The following SUGCT variants were observed in gnomAD, a reference collection of about 807,000 sequenced individuals.
The protein encoded by SUGCT is succinyl-CoA:glutarate CoA-transferase.
SUGCT carries 41 observed loss-of-function variants against 55.0 expected under a neutral mutation model. The observed-to-expected ratio is 0.74, with a 90% CI of 0.58 to 0.97. The LOEUF (loss-of-function observed/expected upper bound fraction) is 0.97, where lower values mean the gene tolerates loss of function less well. Among genes scored for constraint, SUGCT ranks in the 50% least tolerant of loss-of-function variants. SUGCT has a pLI of 0.00. For missense variants in SUGCT, 568 were observed against 547.8 expected (o/e 1.04, Z -0.37); for synonymous variants, 187 against 200.4 (o/e 0.93, Z 0.56).
At chr7:40,577,085 T>A (rs572830088) in intron 12 of SUGCT, among the ~76,000 whole-genome samples, 6 of 152,338 alleles carry the variant, frequency 3.9e-5, no homozygotes, top group Admixed American at 1.3e-4. Flanking sequence ...TAATAAGACC[T>A]GTATGTCAAG....
chr7:40,253,085 C>T (rs1790552623), intron 7 of SUGCT, among the ~76,000 whole-genome samples: 1 of 152,222 alleles, frequency 6.6e-6, no homozygotes, highest in Non-Finnish European at 1.5e-5. Flanking sequence ...CATTTGAATG[C>T]AGGCTCTGCC....
intron 9 of SUGCT, among the ~76,000 whole-genome samples, chr7:40,349,621 G>A (rs1259295427): frequency 2.0e-5 from 3 of 151,820 alleles, no homozygotes; most frequent in Non-Finnish European, 4.4e-5. Context: ...TAGAGGTTTT[G>A]CCGCTTGCTC....
the SUGCT span, among the ~76,000 whole-genome samples, chr7:40,995,254 T>C: frequency 6.6e-6 from 1 of 152,134 alleles, no homozygotes; most frequent in Non-Finnish European, 1.5e-5. Flanking sequence ...TCTGTCTAAA[T>C]GTTATCTTCT....
chr7:41,018,108 T>C, the SUGCT span, among the ~76,000 whole-genome samples: 1 of 152,016 alleles, frequency 6.6e-6, no homozygotes, highest in Admixed American at 6.5e-5. Flanking sequence ...AGATCATCTT[T>C]GGTCCAGCTC....
chr7:40,368,238 G>A (rs1022909985), intron 9 of SUGCT, among the ~76,000 whole-genome samples: 9 of 151,760 alleles, frequency 5.9e-5, no homozygotes, highest in Non-Finnish European at 8.8e-5. Flanking sequence ...TTGCACTGTC[G>A]CCTGGGCTGG....
At chr7:40,864,173 A>G (rs1794540654), downstream of SUGCT, among the ~76,000 whole-genome samples, 1 of 152,096 alleles carries the variant, frequency 6.6e-6, no homozygotes, top group African/African-American at 2.4e-5. Flanking sequence ...TCCTTTCAAC[A>G]TCTCAGTTGC....
At chr7:40,637,823 T>C (rs1800088145) in intron 12 of SUGCT, among the ~76,000 whole-genome samples, 1 of 152,240 alleles carries the variant, frequency 6.6e-6, no homozygotes, top group Non-Finnish European at 1.5e-5. Context: ...GATTGGAAGA[T>C]TTTTTAGTAT....
the SUGCT span, among the ~76,000 whole-genome samples, chr7:40,916,344 T>C: frequency 1.1e-4 from 17 of 152,230 alleles, no homozygotes; most frequent in Admixed American, 1.1e-3. Flanking sequence ...AGTGGTTGAT[T>C]GAAGGATGGG....
intron 12 of SUGCT, among the ~76,000 whole-genome samples, chr7:40,687,640 T>C (rs1310079582): frequency 6.6e-6 from 1 of 152,210 alleles, no homozygotes; most frequent in Non-Finnish European, 1.5e-5. Context: ...CCGCAATTTT[T>C]CTTCCCACAA....
chr7:40,202,042 C>T (rs542557762), intron 6 of SUGCT, among the ~76,000 whole-genome samples: 4 of 152,224 alleles, frequency 2.6e-5, no homozygotes, highest in Admixed American at 6.5e-5. Context: ...GGTGCGATCT[C>T]GGCTCACTGC....
chr7:40,949,736 G>C, the SUGCT span, among the ~76,000 whole-genome samples: 4 of 151,980 alleles, frequency 2.6e-5, no homozygotes, highest in South Asian at 2.1e-4. Context: ...TCTTGTTTTT[G>C]TCAGGTTTGT....
intron 11 of SUGCT, among the ~76,000 whole-genome samples, chr7:40,475,133 G>A (rs909378352): frequency 6.6e-6 from 1 of 152,160 alleles, no homozygotes; most frequent in African/African-American, 2.4e-5. Flanking sequence ...TATTTCTCCT[G>A]TGCCTTCATG....
chr7:41,033,774 A>G, the SUGCT span, among the ~76,000 whole-genome samples: 1 of 152,096 alleles, frequency 6.6e-6, no homozygotes, highest in Non-Finnish European at 1.5e-5. Context: ...CCTGAGTCAG[A>G]CTTGAAGAAC....
the SUGCT span, among the ~76,000 whole-genome samples, chr7:41,037,047 A>G: frequency 6.6e-6 from 1 of 152,160 alleles, no homozygotes; most frequent in African/African-American, 2.4e-5. Flanking sequence ...TATCTCAATC[A>G]TAATTACCTC....
intron 6 of SUGCT, among the ~76,000 whole-genome samples, chr7:40,215,775 T>C (rs1787594726): frequency 6.6e-6 from 1 of 151,058 alleles, no homozygotes; most frequent in Non-Finnish European, 1.5e-5. Flanking sequence ...GGCAGGAGAA[T>C]GGTGTGAACC....
rs1378987822 is a variant in SUGCT, at chr7:40,660,801, C to T, written c.1090-88633C>T. 2.0e-5 allele frequency among the ~76,000 whole-genome samples: 3 copies of T among 152,166 alleles called. No homozygotes were observed. The East Asian group carries it at 5.8e-4, about 29-fold the overall frequency. ...CTCACTTACTCTGATTCTGCCTTTC[C>T]AAGAACTCTCCCACTAATCTACAGC... On this transcript the variant is annotated intron_variant, in intron 12 of 13. Transcript: ENST00000335693.
chr7:40,870,940 C>A, the SUGCT span, among the ~76,000 whole-genome samples: 26 of 152,268 alleles, frequency 1.7e-4, no homozygotes, highest in South Asian at 1.7e-3. Context: ...TTTCAACACG[C>A]TCCTACCTTT....
chr7:40,754,226 A>C (rs1788149617), intron 13 of SUGCT, among the ~76,000 whole-genome samples: 1 of 152,192 alleles, frequency 6.6e-6, no homozygotes, highest in East Asian at 1.9e-4. Context: ...ATGAACTATC[A>C]ATGGGTGTAT....
At chr7:40,270,131 T>G (rs951105001) in intron 7 of SUGCT, among the ~76,000 whole-genome samples, 3 of 145,468 alleles carry the variant, frequency 2.1e-5, no homozygotes, top group Admixed American at 6.9e-5. Flanking sequence ...GCAAGACCCT[T>G]TCTCAAAAAA....
Sources: gnomAD v4.1 joint callset for allele counts (sites outside exome capture counted in the v4.1 genomes callset) on GRCh38, gnomAD v4.1.1 for gene constraint, MANE v1.5 for transcripts, NCBI Gene and HGNC (gene_info 2026-07-23, HGNC 2026-07-21) for gene names.